ROBO1: variants seen among roughly 807,000 people sequenced by gnomAD.
ROBO1 encodes the protein roundabout homolog 1.
Under a neutral mutation model 195.9 loss-of-function variants are expected in ROBO1, and 149 were observed. That is an observed-to-expected ratio of 0.76 (90% CI 0.67 to 0.87). The LOEUF is 0.87. ROBO1 is among the 40% of genes least tolerant of loss of function. The pLI is 0.00. For synonymous variants in ROBO1, 816 were observed against 733.2 expected, an observed-to-expected ratio of 1.11 and a Z score of -1.82; for missense variants, 1,933 against 2,068.3, an observed-to-expected ratio of 0.93 and a Z score of 1.27.
chr3:78,637,777 C>G (rs77353875), intron 22 of ROBO1, among the ~76,000 whole-genome samples: 6,326 of 152,150 alleles, frequency 0.042, 134 homozygotes, highest in Non-Finnish European at 0.051. Context: ...ACGTCACATC[C>G]ACGTCCAGTG....
intron 1 of ROBO1, among the ~76,000 whole-genome samples, chr3:79,699,440 A>G (rs757973126): frequency 3.3e-5 from 5 of 151,564 alleles, no homozygotes; most frequent in African/African-American, 7.3e-5. Context: ...ATACAATAAC[A>G]TTCTAAATCA....
chr3:79,272,479 G>A (rs1369402507), intron 2 of ROBO1, among the ~76,000 whole-genome samples: 1 of 151,984 alleles, frequency 6.6e-6, no homozygotes, highest in East Asian at 1.9e-4. Flanking sequence ...ACAGCAACTG[G>A]TTTTAACATC....
At chr3:79,424,437 A>C (rs534676430) in intron 2 of ROBO1, among the ~76,000 whole-genome samples, 1 of 152,094 alleles carries the variant, frequency 6.6e-6, no homozygotes, top group African/African-American at 2.4e-5. Context: ...TCATATATAT[A>C]TATATCATAT....
At chr3:79,111,147 A>G (rs1327004546) in intron 3 of ROBO1, among the ~76,000 whole-genome samples, 1 of 152,078 alleles carries the variant, frequency 6.6e-6, no homozygotes, top group Admixed American at 6.6e-5. Context: ...GAAACAATAT[A>G]CCCAGGTTTT....
At chr3:78,973,038 G>C (rs910033555) in intron 3 of ROBO1, among the ~76,000 whole-genome samples, 4 of 152,188 alleles carry the variant, frequency 2.6e-5, no homozygotes, top group African/African-American at 9.7e-5. Context: ...ATGGCACTCA[G>C]TCATTAGTTT....
chr3:78,991,233 T>A (rs772570124), intron 3 of ROBO1, among the ~76,000 whole-genome samples: 2 of 152,110 alleles, frequency 1.3e-5, no homozygotes, highest in African/African-American at 4.8e-5. Flanking sequence ...GGTAGGAAGA[T>A]GGGTACCACC....
intron 25 of ROBO1, among the ~76,000 whole-genome samples, chr3:78,628,729 TAACA>T (rs987630508): frequency 6.6e-6 from 1 of 152,194 alleles, no homozygotes; most frequent in Non-Finnish European, 1.5e-5. Context: ...TTTCCTTTAT[TAACA>T]AACAGCTGAG....
At chr3:79,685,483 G>A (rs918186663) in intron 1 of ROBO1, among the ~76,000 whole-genome samples, 2 of 152,154 alleles carry the variant, frequency 1.3e-5, no homozygotes, top group Admixed American at 6.6e-5. Context: ...GGCTATCACT[G>A]CCTAGGCACA....
At chr3:78,869,926 A>T (rs905548319) in intron 4 of ROBO1, among the ~76,000 whole-genome samples, 1 of 152,192 alleles carries the variant, frequency 6.6e-6, no homozygotes, top group African/African-American at 2.4e-5. Context: ...GTTACAATTA[A>T]GATTAACTTT....
At chr3:79,112,804 C>G (rs906726070) in intron 3 of ROBO1, among the ~76,000 whole-genome samples, 1 of 151,828 alleles carries the variant, frequency 6.6e-6, no homozygotes, top group Non-Finnish European at 1.5e-5. Context: ...AGGAGATATA[C>G]CTAATGGTAA....
intron 4 of ROBO1, among the ~76,000 whole-genome samples, chr3:78,780,043 G>C (rs1174098676): frequency 6.6e-6 from 1 of 152,088 alleles, no homozygotes; most frequent in African/African-American, 2.4e-5. Flanking sequence ...CTCACAAGGG[G>C]GAGTTTTACA....
At chr3:78,939,885 T>C (rs1233865316) in intron 3 of ROBO1, among the ~76,000 whole-genome samples, 2 of 152,032 alleles carry the variant, frequency 1.3e-5, no homozygotes, top group Non-Finnish European at 2.9e-5. Context: ...GGGGCTTCAT[T>C]CTGGACCTTA....
chr3:79,402,544 G>A (rs1046988860), intron 2 of ROBO1, among the ~76,000 whole-genome samples: 16 of 151,788 alleles, frequency 1.1e-4, no homozygotes, highest in Admixed American at 3.3e-4. Context: ...CAAAGTCACC[G>A]GTATTTGAAC....
chr3:78,709,648 T>C (rs1448246078), intron 8 of ROBO1, among the ~76,000 whole-genome samples: 1 of 152,196 alleles, frequency 6.6e-6, no homozygotes, highest in Non-Finnish European at 1.5e-5. Context: ...TACTTTCTAT[T>C]AACAGGGTGC....
chr3:79,083,472 C>T (rs1280589509), intron 3 of ROBO1, among the ~76,000 whole-genome samples: 1 of 152,002 alleles, frequency 6.6e-6, no homozygotes, highest in African/African-American at 2.4e-5. Context: ...ATCATGTTTT[C>T]CTACTTGGGA....
intron 3 of ROBO1, among the ~76,000 whole-genome samples, chr3:78,946,312 A>C (rs1292905845): frequency 2.6e-5 from 4 of 152,252 alleles, no homozygotes; most frequent in Non-Finnish European, 5.9e-5. Flanking sequence ...CACCAGACTA[A>C]CAGCTAATCT....
intron 3 of ROBO1, among the ~76,000 whole-genome samples, chr3:79,104,755 AAG>A (rs1339357230): frequency 4.6e-5 from 7 of 151,738 alleles, no homozygotes; most frequent in Non-Finnish European, 1.0e-4. Flanking sequence ...CCTTGATAGC[AAG>A]AGTGAGAGAG....
At chr3:79,281,171 A>C (rs867470873) in intron 2 of ROBO1, among the ~76,000 whole-genome samples, 2 of 152,228 alleles carry the variant, frequency 1.3e-5, no homozygotes, top group African/African-American at 4.8e-5. Context: ...CTTTGATTGA[A>C]TTAATATAGG....
At chr3:79,570,734 T>C (rs1044957301) in intron 2 of ROBO1, among the ~76,000 whole-genome samples, 1 of 152,158 alleles carries the variant, frequency 6.6e-6, no homozygotes, top group Non-Finnish European at 1.5e-5. Context: ...TATTCCTTAA[T>C]ACACTTTTCA....
Sources: allele counts gnomAD v4.1 joint callset (sites outside exome capture counted in the v4.1 genomes callset), GRCh38; gene constraint gnomAD v4.1.1; transcripts MANE v1.5; gene names NCBI Gene and HGNC (gene_info 2026-07-23, HGNC 2026-07-21).